The following TTI1 variants were observed in gnomAD, a reference collection of about 807,000 sequenced individuals.
TTI1 encodes TELO2-interacting protein 1 homolog.
In TTI1, 52 loss-of-function variants were observed where a neutral mutation model predicts 85.4. The ratio of observed to expected loss-of-function variants is 0.61; its 90% CI spans 0.49 to 0.77. The LOEUF is 0.77. Among genes scored for constraint, TTI1 ranks in the 30% least tolerant of loss-of-function variants. The probability of loss-of-function intolerance (pLI) is 0.00; values close to 1 mark genes in which losing one functional copy is unlikely to be tolerated. For synonymous variants in TTI1, 512 were observed against 503.9 expected (o/e 1.02, Z -0.22); for missense variants, 1,173 against 1,296.0 (o/e 0.91, Z 1.46).
chr20:37,984,213 C>T (rs1468337953), intron 7 of TTI1, among the ~76,000 whole-genome samples: 1 of 152,204 alleles, frequency 6.6e-6, no homozygotes, highest in Non-Finnish European at 1.5e-5. Context: ...GCCCGTTTCC[C>T]CACAGGGATC....
rs377183631 is a variant in TTI1, at chr20:38,003,447, C to G, written c.2504-671G>C. ...GATAACAGATGACTTCAGTTTTTTT[C>G]CCTATGCCTTTGGTCTTTTCTAAAT... is the stretch of plus-strand genomic sequence containing the variant. On this transcript the variant is annotated intron_variant, in intron 3 of 7. Coordinates refer to ENST00000373447, the MANE Select transcript of TTI1 (RefSeq NM_001303457.2). Among the ~76,000 whole-genome samples, 16 of 152,098 alleles carry G rather than the reference C, an allele frequency of 1.1e-4. No homozygotes were observed. In the East Asian group the frequency reaches 1.2e-3, roughly 11 times the overall value.
At chr20:38,015,638 T>C (rs978497049) in intron 1 of TTI1, among the ~76,000 whole-genome samples, 2 of 151,974 alleles carry the variant, frequency 1.3e-5, no homozygotes, top group Non-Finnish European at 2.9e-5. Flanking sequence ...AGATAAGAAT[T>C]TTAATAATAA....
chr20:38,026,867 A>T (rs1158746546), intron 1 of TTI1, among the ~76,000 whole-genome samples: 1 of 152,234 alleles, frequency 6.6e-6, no homozygotes, highest in Non-Finnish European at 1.5e-5. Flanking sequence ...GTATGTAGAG[A>T]AAATGTTTAA....
chr20:38,007,471 C>T (rs774017512), intron 2 of TTI1, among the ~76,000 whole-genome samples: 2 of 152,194 alleles, frequency 1.3e-5, no homozygotes, highest in East Asian at 3.8e-4. Context: ...CGGTGGGCTA[C>T]AGGCATGGGT....
chr20:38,013,428 A>C lies in TTI1; in HGVS notation c.389T>G (p.Leu130Ter). 3 of 1,614,050 alleles carry C rather than the reference A, an allele frequency of 1.9e-6. No individual in the cohort carries two copies. The highest frequency in any genetic ancestry group is 2.5e-6 in the Non-Finnish European group (3 of 1,180,032). Residue 130 changes from leucine (L) to a stop codon, truncating the protein, a stop_gained, in exon 2 of 8, where the codon TTA becomes TGA. Transcript: ENST00000373447. LOFTEE classifies it high-confidence loss of function. ...KLAVIQGLST[L>*]MHSAYGDIIL... ...GATGTCCCCATAAGCTGAGTGCATT[A>C]ATGTGCTAAGTCCCTGGATCACAGC...
chr20:37,991,902 TGGA>T (rs1176447890), intron 7 of TTI1, among the ~76,000 whole-genome samples: 2 of 152,204 alleles, frequency 1.3e-5, no homozygotes, highest in African/African-American at 4.8e-5. Context: ...CCTATGAGAA[TGGA>T]GTTTTCATCA....
At chr20:37,993,120 T>G (rs1189604052) in intron 7 of TTI1, among the ~76,000 whole-genome samples, 1 of 151,408 alleles carries the variant, frequency 6.6e-6, no homozygotes, top group Non-Finnish European at 1.5e-5. Flanking sequence ...GGCTTTTTTT[T>G]TTTTTTTTTG....
intron 1 of TTI1, among the ~76,000 whole-genome samples, chr20:38,015,881 G>A (rs2073675546): frequency 6.6e-6 from 1 of 152,176 alleles, no homozygotes; most frequent in Non-Finnish European, 1.5e-5. Flanking sequence ...CAGCATGTAA[G>A]GGGGAATTTG....
At position 37,990,333 on chromosome 20, in the gene TTI1, T is replaced by C. The variant is rs575442868; in HGVS notation, c.3086+6042A>G. 5.9e-5 allele frequency among the ~76,000 whole-genome samples: 9 copies of C among 152,386 alleles called. No homozygotes were observed. In the South Asian group the frequency reaches 1.7e-3, roughly 28 times the overall value. ...ACTTTTACTCTGTGGTGGTATTTTGTGCTACCTGACTTTACTGAATCCTTG... is the reference window on the plus strand; with the variant it reads ...ACTTTTACTCTGTGGTGGTATTTTGCGCTACCTGACTTTACTGAATCCTTG... On this transcript the variant is annotated intron_variant, in intron 7 of 7. Transcript: ENST00000373447.
In TTI1 at chr20:38,012,642, T is replaced by C; in HGVS notation, c.1175A>G (p.Gln392Arg). ...ATSLPRLMNS[Q>R]DDQGKFSTLS... is the part of the protein sequence containing the mutation. ...AGTAGAGAATTTGCCCTGGTCATCT[T>C]GGGAGTTCATTAGGCGAGGAAGAGA... is the stretch of plus-strand genomic sequence containing the variant. The change falls in exon 2 of 8, where the codon CAA (glutamine) becomes CGA (arginine). Residue 392 changes from glutamine (Q) to arginine (R), a missense_variant. By Grantham distance (43) the Gln-to-Arg change is conservative (BLOSUM62 1). Transcript: ENST00000373447. 1.2e-6 allele frequency: 2 copies of C among 1,614,218 alleles called. No homozygotes were observed. The highest frequency in any genetic ancestry group is 1.7e-6 in the Non-Finnish European group (2 of 1,180,048).
At chr20:38,006,437 C>A in intron 2 of TTI1, 40 bp from the exon 3 acceptor site, 2 of 1,608,060 alleles carry the variant, frequency 1.2e-6, no homozygotes, top group Non-Finnish European at 1.7e-6. Context: ...TGGCTATTAA[C>A]AACAGGCATG....
chr20:38,022,240 C>T (rs2073780490), intron 1 of TTI1, among the ~76,000 whole-genome samples: 1 of 152,180 alleles, frequency 6.6e-6, no homozygotes, highest in Non-Finnish European at 1.5e-5. Flanking sequence ...CCTCAGGGCT[C>T]GCTCCTTTAC....
At chr20:38,004,302 C>T (rs945318281) in intron 3 of TTI1, among the ~76,000 whole-genome samples, 2 of 152,222 alleles carry the variant, frequency 1.3e-5, no homozygotes, top group Non-Finnish European at 2.9e-5. Flanking sequence ...AGCCCCCAGC[C>T]TCATGCCAAC....
chr20:37,985,298 T>C (rs1177911007), intron 7 of TTI1, among the ~76,000 whole-genome samples: 1 of 152,214 alleles, frequency 6.6e-6, no homozygotes, highest in Non-Finnish European at 1.5e-5. Flanking sequence ...TTATTGGCAA[T>C]TATTCTAAGG....
intron 7 of TTI1, among the ~76,000 whole-genome samples, chr20:37,994,241 C>T (rs769036764): frequency 6.6e-6 from 1 of 152,136 alleles, no homozygotes; most frequent in Non-Finnish European, 1.5e-5. Flanking sequence ...TCAAGTGATG[C>T]TCCTGCCTCA....
At chr20:38,021,889 T>C (rs2073776199) in intron 1 of TTI1, among the ~76,000 whole-genome samples, 1 of 152,192 alleles carries the variant, frequency 6.6e-6, no homozygotes, top group South Asian at 2.1e-4. Flanking sequence ...ACTTTACAGA[T>C]ACTTAGATCC....
chr20:38,030,124 CA>C (rs776361847), intron 1 of TTI1, among the ~76,000 whole-genome samples: 1 of 150,588 alleles, frequency 6.6e-6, no homozygotes, highest in Non-Finnish European at 1.5e-5. Context: ...AACACAACCA[CA>C]ATAGGAAAGA....
chr20:38,022,220 TCCC>T (rs1456547150), intron 1 of TTI1, among the ~76,000 whole-genome samples: 1 of 152,152 alleles, frequency 6.6e-6, no homozygotes, highest in African/African-American at 2.4e-5. Context: ...TGCTGTTCTC[TCCC>T]CCATGTCCTC....
intron 2 of TTI1, among the ~76,000 whole-genome samples, chr20:38,008,971 C>T (rs2073540650): frequency 6.6e-6 from 1 of 151,628 alleles, no homozygotes; most frequent in Non-Finnish European, 1.5e-5. Flanking sequence ...CCCTCTCCCT[C>T]CACCTCATTT....
Sources: gnomAD v4.1 joint callset for allele counts (sites outside exome capture counted in the v4.1 genomes callset) on GRCh38, gnomAD v4.1.1 for gene constraint, MANE v1.5 for transcripts, NCBI Gene and HGNC (gene_info 2026-07-23, HGNC 2026-07-21) for gene names.